Variants in INPP4B observed in about 807,000 individuals in gnomAD.
INPP4B encodes inositol polyphosphate 4-phosphatase type II.
INPP4B carries 55 observed loss-of-function variants against 122.5 expected under a neutral mutation model. That is an observed-to-expected ratio of 0.45 (90% CI 0.36 to 0.56). The LOEUF is 0.56. Among genes scored for constraint, INPP4B ranks in the 20% least tolerant of loss-of-function variants. INPP4B has a pLI of 0.00. For missense variants in INPP4B, 1,000 were observed against 1,097.7 expected (o/e 0.91, Z 1.26); for synonymous variants, 403 against 388.7 (o/e 1.04, Z -0.43).
intron 18 of INPP4B, among the ~76,000 whole-genome samples, chr4:142,131,315 G>A (rs1801146966): frequency 6.6e-6 from 1 of 152,170 alleles, no homozygotes; most frequent in Non-Finnish European, 1.5e-5. Context: ...GACAGGTAGT[G>A]GATACTGAGT....
chr4:142,147,284 A>G (rs982947041), intron 17 of INPP4B, among the ~76,000 whole-genome samples: 1 of 152,204 alleles, frequency 6.6e-6, no homozygotes, highest in African/African-American at 2.4e-5. Context: ...TAATTTTGCT[A>G]CTTCATAAAC....
intron 1 of INPP4B, among the ~76,000 whole-genome samples, chr4:142,748,937 C>T (rs1769205910): frequency 6.6e-6 from 1 of 151,684 alleles, no homozygotes; most frequent in African/African-American, 2.4e-5. Context: ...GCCAGAAGTT[C>T]GAGACCAGCC....
chr4:142,259,226 G>A lies in INPP4B; in HGVS notation c.688+1266C>T, dbSNP rs1043226758. Among the ~76,000 whole-genome samples the A allele has an allele frequency of 1.2e-4, 13 of 108,132 alleles. 1 individual carries two copies. The Admixed American group carries it at 1.4e-3, about 12-fold the overall frequency. 70.9% of individuals were successfully genotyped at this position (108,132 alleles called of 152,430 possible). Reference sequence around the variant, plus strand: ...TTGTGGGGTGGGGGGAGGGGGGAGGGATAGCATTGGGAGATATACCTAATG... The same window carrying A: ...TTGTGGGGTGGGGGGAGGGGGGAGGAATAGCATTGGGAGATATACCTAATG... On this transcript the variant is annotated intron_variant, in intron 11 of 25. Transcript: ENST00000262992.
chr4:142,276,820 A>G (rs1291201252), intron 9 of INPP4B, among the ~76,000 whole-genome samples: 1 of 151,926 alleles, frequency 6.6e-6, no homozygotes, highest in Non-Finnish European at 1.5e-5. Flanking sequence ...ATACAAATAC[A>G]AATAAGATAA....
chr4:142,794,121 C>T (rs1021880229), intron 1 of INPP4B, among the ~76,000 whole-genome samples: 1 of 151,950 alleles, frequency 6.6e-6, no homozygotes, highest in African/African-American at 2.4e-5. Flanking sequence ...CTATCTATCA[C>T]AAGCTAATTC....
chr4:142,754,682 G>T (rs1561032983), intron 1 of INPP4B, among the ~76,000 whole-genome samples: 1 of 151,922 alleles, frequency 6.6e-6, no homozygotes, highest in East Asian at 1.9e-4. Flanking sequence ...TCAGTAACAT[G>T]AACAGATTCA....
intron 7 of INPP4B, among the ~76,000 whole-genome samples, chr4:142,397,408 A>T (rs1799697479): frequency 2.0e-5 from 3 of 152,182 alleles, no homozygotes; most frequent in Non-Finnish European, 4.4e-5. Context: ...TGAATAATTG[A>T]CCACTTCATT....
At chr4:142,722,743 T>C (rs1402546336) in intron 2 of INPP4B, among the ~76,000 whole-genome samples, 4 of 152,190 alleles carry the variant, frequency 2.6e-5, no homozygotes, top group African/African-American at 9.6e-5. Flanking sequence ...TGAATATGTT[T>C]TTGTAAAGCA....
intron 2 of INPP4B, among the ~76,000 whole-genome samples, chr4:142,679,742 A>G (rs974448059): frequency 5.9e-5 from 9 of 151,884 alleles, no homozygotes; most frequent in Admixed American, 3.9e-4. Context: ...AGTACTCTCT[A>G]TCGGATAACT....
chr4:142,818,271 A>G (rs1780362219), intron 1 of INPP4B, among the ~76,000 whole-genome samples: 1 of 152,154 alleles, frequency 6.6e-6, no homozygotes, highest in South Asian at 2.1e-4. Flanking sequence ...TTAAACTTCA[A>G]AGACCATCCA....
intron 2 of INPP4B, among the ~76,000 whole-genome samples, chr4:142,606,222 A>T (rs1368521228): frequency 6.6e-6 from 1 of 151,940 alleles, no homozygotes; most frequent in African/African-American, 2.4e-5. Flanking sequence ...GGAGAATAGA[A>T]CTAGAATGAT....
chr4:142,220,032 T>C (rs183657718), intron 12 of INPP4B, among the ~76,000 whole-genome samples: 1 of 152,298 alleles, frequency 6.6e-6, no homozygotes, highest in East Asian at 1.9e-4. Flanking sequence ...GATGGTACAA[T>C]ACAGAGCATT....
chr4:142,499,841 T>C (rs2149815188), intron 2 of INPP4B, among the ~76,000 whole-genome samples: 1 of 152,230 alleles, frequency 6.6e-6, no homozygotes, highest in South Asian at 2.1e-4. Context: ...CTACAAAGAG[T>C]AATCTATAAA....
chr4:142,514,459 C>T (rs1256353906), intron 2 of INPP4B: 1 of 152,126 alleles, frequency 6.6e-6, no homozygotes, highest in African/African-American at 2.4e-5. Flanking sequence ...TAAATGTTTA[C>T]CATAAATTTA....
At chr4:142,471,191 A>T (rs1337603573) in intron 2 of INPP4B, among the ~76,000 whole-genome samples, 2 of 152,190 alleles carry the variant, frequency 1.3e-5, no homozygotes, top group Non-Finnish European at 2.9e-5. Flanking sequence ...ACTGGCTATC[A>T]CCAAATGCTG....
chr4:142,342,147 T>A (rs1407701116), intron 7 of INPP4B, among the ~76,000 whole-genome samples: 1 of 152,178 alleles, frequency 6.6e-6, no homozygotes, highest in Non-Finnish European at 1.5e-5. Context: ...CCAGAGTAGT[T>A]GCGAGCATTT....
chr4:142,497,397 C>T (rs932001009), intron 2 of INPP4B, among the ~76,000 whole-genome samples: 1 of 152,014 alleles, frequency 6.6e-6, no homozygotes, highest in Admixed American at 6.6e-5. Flanking sequence ...AAATCATTTT[C>T]CCAAAAAAGT....
chr4:142,537,400 G>GTATATATATATATATATATATATA (rs34425745), intron 2 of INPP4B, among the ~76,000 whole-genome samples: 4 of 32,992 alleles, frequency 1.2e-4, no homozygotes, highest in South Asian at 1.4e-3. Flanking sequence ...TTTACATACA[G>GTATATATATATATATATATATATA]TATATATATA....
intron 2 of INPP4B, among the ~76,000 whole-genome samples, chr4:142,564,122 C>A (rs750345503): frequency 2.0e-5 from 3 of 152,078 alleles, no homozygotes; most frequent in Non-Finnish European, 2.9e-5. Flanking sequence ...AGTTATTAAC[C>A]CATTTTGCTA....
Sources: gnomAD v4.1 joint callset for allele counts (sites outside exome capture counted in the v4.1 genomes callset) on GRCh38, gnomAD v4.1.1 for gene constraint, MANE v1.5 for transcripts, NCBI Gene and HGNC (gene_info 2026-07-23, HGNC 2026-07-21) for gene names.